KCNMA1: variants seen among roughly 807,000 people sequenced by gnomAD.
The protein encoded by KCNMA1 is potassium calcium-activated channel subfamily M alpha 1, also known as Calcium-activated potassium channel subunit alpha-1.
A neutral mutation model predicts 140.0 loss-of-function variants in KCNMA1; 29 were observed. The observed-to-expected ratio is 0.21, with a 90% confidence interval of 0.15 to 0.28. The LOEUF is 0.28. Ranked by LOEUF, KCNMA1 falls within the 10% of genes least tolerant of loss-of-function variation. The pLI is 1.00. For synonymous variants in KCNMA1, 612 were observed against 611.9 expected (o/e 1.00, Z 0.00); for missense variants, 880 against 1,602.2 (o/e 0.55, Z 7.70).
At chr10:77,481,341 T>C (rs1394099941) in intron 1 of KCNMA1, among the ~76,000 whole-genome samples, 1 of 152,114 alleles carries the variant, frequency 6.6e-6, no homozygotes, top group African/African-American at 2.4e-5. Context: ...CAGTTGATAA[T>C]GTCAAGGAAC....
At chr10:77,319,899 C>A (rs1413017954) in intron 2 of KCNMA1, among the ~76,000 whole-genome samples, 1 of 152,160 alleles carries the variant, frequency 6.6e-6, no homozygotes, top group East Asian at 1.9e-4. Flanking sequence ...AGAAATAAAC[C>A]TTTCTTGTGT....
intron 13 of KCNMA1, chr10:77,078,207 C>G (rs1037816654): frequency 6.6e-6 from 1 of 152,214 alleles, no homozygotes. Flanking sequence ...TTACTCATAA[C>G]CCAGCAGCGA....
intron 1 of KCNMA1, among the ~76,000 whole-genome samples, chr10:77,560,365 T>C (rs530139829): frequency 4.6e-5 from 7 of 152,124 alleles, no homozygotes; most frequent in Admixed American, 1.3e-4. Context: ...TGAACATAAG[T>C]ATTGGGTTGA....
At position 76,951,227 on chromosome 10, in the gene KCNMA1, A is replaced by G. The variant is rs557027650; in HGVS notation, c.2485-1861T>C. Among the ~76,000 whole-genome samples the G allele has an allele frequency of 5.3e-5, 8 of 152,282 alleles. No individual in the cohort carries two copies. The South Asian group carries it at 1.7e-3, about 32-fold the overall frequency. The stretch of plus-strand genomic sequence containing the variant: ...CTGGGATCAAAACACCCATCCTCAG[A>G]CTGGCCACAGCTACATCACCCAGAG... On this transcript the variant is annotated intron_variant, in intron 21 of 27. Transcript: ENST00000286628.
At chr10:77,382,992 G>GTA (rs1227873900) in intron 2 of KCNMA1, among the ~76,000 whole-genome samples, 13 of 44,486 alleles carry the variant, frequency 2.9e-4, no homozygotes, top group Admixed American at 5.8e-4. Flanking sequence ...GTGTGTGTGT[G>GTA]TGTATATATA....
intron 2 of KCNMA1, among the ~76,000 whole-genome samples, chr10:77,398,531 C>A (rs2096148158): frequency 6.6e-6 from 1 of 152,322 alleles, no homozygotes; most frequent in Middle Eastern, 3.4e-3. Context: ...CTTTTGCCCA[C>A]TTTTAAATGT....
intron 19 of KCNMA1, among the ~76,000 whole-genome samples, chr10:76,994,393 G>A (rs2153364144): frequency 6.6e-6 from 1 of 152,320 alleles, no homozygotes; most frequent in East Asian, 1.9e-4. Context: ...TCCTCCCTGT[G>A]TACTCAGAGT....
Position 76,910,108 on chromosome 10 carries a change from A to AT in KCNMA1, c.3017-13dup. The AT allele has an allele frequency of 6.2e-7, 1 of 1,613,742 alleles. No individual in the cohort carries two copies. Among genetic ancestry groups the AT allele is most frequent in the South Asian group, 1.1e-5 (1 of 91,076 alleles). On this transcript the variant is annotated splice_polypyrimidine_tract_variant and intron_variant, in intron 24 of 27. Coordinates refer to ENST00000286628, the MANE Select transcript of KCNMA1 (RefSeq NM_001161352.2). Reference sequence around the variant, plus strand: ...ATTAGTATCGTTCACTAGAAAAAGCATAAAATAAGAATTAGCTCTGAAGAC... The same window carrying AT: ...ATTAGTATCGTTCACTAGAAAAAGCATTAAAATAAGAATTAGCTCTGAAGAC...
chr10:77,573,449 A>G lies in KCNMA1; in HGVS notation c.378+63816T>C, dbSNP rs1371757887. ...CCTCAGTACAGTTGCATTTGGCCTC[A>G]GATTTGTGACTAAGAGAAGCATAAT... On this transcript the variant is annotated intron_variant, in intron 1 of 27. Coordinates refer to ENST00000286628, the MANE Select transcript of KCNMA1 (RefSeq NM_001161352.2). Among the ~76,000 whole-genome samples, 3 of 152,166 alleles carry G rather than the reference A, an allele frequency of 2.0e-5. No homozygotes were observed. In the East Asian group the frequency reaches 5.8e-4, roughly 29 times the overall value.
chr10:77,487,849 C>T (rs2092893642), intron 1 of KCNMA1, among the ~76,000 whole-genome samples: 2 of 152,106 alleles, frequency 1.3e-5, no homozygotes, highest in Non-Finnish European at 2.9e-5. Flanking sequence ...GTAAGAAATG[C>T]AAAGTTGTCC....
At chr10:77,413,914 G>T (rs2096676428) in intron 1 of KCNMA1, among the ~76,000 whole-genome samples, 1 of 152,138 alleles carries the variant, frequency 6.6e-6, no homozygotes, top group Non-Finnish European at 1.5e-5. Context: ...CTGTCAGAAA[G>T]CCCTGTGAGT....
intron 1 of KCNMA1, among the ~76,000 whole-genome samples, chr10:77,435,916 A>G (rs887113774): frequency 6.6e-6 from 1 of 152,194 alleles, no homozygotes; most frequent in South Asian, 2.1e-4. Flanking sequence ...TGGATGAACC[A>G]TGGGACCCAG....
In KCNMA1 at chr10:76,915,024, T is replaced by C. The variant is rs377541301; in HGVS notation, c.2928A>G (p.Arg976=). The change falls in exon 24 of 28, where the codon AGA becomes AGG. Residue 976 remains arginine (R), a synonymous_variant. Coordinates refer to ENST00000286628, the MANE Select transcript of KCNMA1 (RefSeq NM_001161352.2). ...GCACTGGGCTGTTATCTGGAGAGGA[T>C]CTATCCATTCCTGGAGGTGTGAACC... ...SQGFTPPGMD[R]SSPDNSPVHG... 6 of 1,612,874 alleles carry C rather than the reference T, an allele frequency of 3.7e-6. No individual in the cohort carries two copies. Among genetic ancestry groups the C allele is most frequent in the Non-Finnish European group, 5.1e-6 (6 of 1,179,072 alleles).
At chr10:77,033,322 A>G (rs1412799903) in intron 15 of KCNMA1, among the ~76,000 whole-genome samples, 1 of 152,166 alleles carries the variant, frequency 6.6e-6, no homozygotes, top group Non-Finnish European at 1.5e-5. Flanking sequence ...AGTGATTTAA[A>G]ATGTTCATGG....
At chr10:77,487,765 T>A (rs748106624) in intron 1 of KCNMA1, among the ~76,000 whole-genome samples, 2 of 152,172 alleles carry the variant, frequency 1.3e-5, no homozygotes, top group Non-Finnish European at 2.9e-5. Flanking sequence ...ATGCAAGACA[T>A]TTTGAGAAGG....
chr10:77,525,723 A>C (rs1603632821), intron 1 of KCNMA1, among the ~76,000 whole-genome samples: 1 of 152,316 alleles, frequency 6.6e-6, no homozygotes, highest in Middle Eastern at 3.4e-3. Context: ...TGCCATGTGC[A>C]CCCCAGTTAA....
At chr10:77,338,370 G>C (rs1398993255) in intron 2 of KCNMA1, among the ~76,000 whole-genome samples, 1 of 152,098 alleles carries the variant, frequency 6.6e-6, no homozygotes, top group Non-Finnish European at 1.5e-5. Flanking sequence ...ATCACAACCA[G>C]AGACTGAGGA....
intron 1 of KCNMA1, among the ~76,000 whole-genome samples, chr10:77,515,112 C>T (rs995976786): frequency 7.9e-5 from 12 of 152,222 alleles, no homozygotes; most frequent in African/African-American, 2.9e-4. Context: ...CACAATCCTA[C>T]ATGTTTGCTT....
intron 14 of KCNMA1, among the ~76,000 whole-genome samples, chr10:77,056,056 T>C (rs1009990684): frequency 3.3e-5 from 5 of 152,076 alleles, no homozygotes; most frequent in Admixed American, 6.6e-5. Flanking sequence ...TCACAACCCA[T>C]AGAAGCCCCA....
Sources: allele counts gnomAD v4.1 joint callset (sites outside exome capture counted in the v4.1 genomes callset), GRCh38; gene constraint gnomAD v4.1.1; transcripts MANE v1.5; gene names NCBI Gene and HGNC (gene_info 2026-07-23, HGNC 2026-07-21).